Variants in SERP2 observed in about 807,000 individuals in gnomAD.
The protein encoded by SERP2 is stress associated endoplasmic reticulum protein family member 2, also known as stress-associated endoplasmic reticulum protein 2.
A neutral mutation model predicts 9.1 loss-of-function variants in SERP2; 6 were observed. The ratio of observed to expected loss-of-function variants is 0.66; its 90% CI spans 0.36 to 1.30. SERP2 has a LOEUF of 1.30. Among genes scored for constraint, SERP2 ranks in the 50% most tolerant of loss-of-function variants. SERP2 has a pLI of 0.03. For synonymous variants in SERP2, 37 were observed against 27.3 expected (o/e 1.35, Z -1.10); for missense variants, 58 against 81.9 (o/e 0.71, Z 1.13).
In SERP2 at chr13:44,397,375, A is replaced by C; in HGVS notation, c.*63A>C. 1 of 1,305,106 alleles carries C rather than the reference A, an allele frequency of 7.7e-7. No homozygotes were observed. Among genetic ancestry groups the C allele is most frequent in the Admixed American group, 1.7e-5 (1 of 59,450 alleles). 80.8% of individuals were successfully genotyped at this position (1,305,106 alleles called of 1,614,324 possible). ...AGGCGGGAGGACAACGGAAGCGGTC[A>C]GCCAGTTTCTGCGGGAAACAAGCAG... On this transcript the variant is annotated 3_prime_UTR_variant, in exon 3 of 3. Coordinates refer to ENST00000379179, the MANE Select transcript of SERP2 (RefSeq NM_001010897.3).
intron 2 of SERP2, among the ~76,000 whole-genome samples, chr13:44,386,088 G>A (rs1872297791): frequency 6.6e-6 from 1 of 152,190 alleles, no homozygotes. Flanking sequence ...CACTTTGGAT[G>A]CATGAGGCTG....
chr13:44,383,124 A>T (rs1159706820), intron 2 of SERP2, among the ~76,000 whole-genome samples: 1 of 152,184 alleles, frequency 6.6e-6, no homozygotes, highest in South Asian at 2.1e-4. Flanking sequence ...TAAGGTGCTC[A>T]GAATGGCCAA....
intron 2 of SERP2, among the ~76,000 whole-genome samples, chr13:44,384,767 T>C (rs1236111638): frequency 6.6e-6 from 1 of 152,234 alleles, no homozygotes; most frequent in African/African-American, 2.4e-5. Flanking sequence ...TTCATGTGGT[T>C]GGTTACTCTT....
intron 2 of SERP2, among the ~76,000 whole-genome samples, chr13:44,385,006 T>G (rs530558143): frequency 1.3e-5 from 2 of 152,362 alleles, no homozygotes; most frequent in East Asian, 3.9e-4. Context: ...CAGTAATGAA[T>G]GCACATTTTA....
At chr13:44,395,645 C>G in intron 2 of SERP2, 1 of 204,478 alleles carries the variant, frequency 4.9e-6, no homozygotes, top group African/African-American at 2.4e-5. Context: ...AGAACCCAAA[C>G]TTAGCTAAGA....
At chr13:44,387,010 C>T (rs1872354847) in intron 2 of SERP2, among the ~76,000 whole-genome samples, 1 of 152,202 alleles carries the variant, frequency 6.6e-6, no homozygotes, top group Non-Finnish European at 1.5e-5. Flanking sequence ...CTCATCCTGG[C>T]TCTGCCAGTC....
intron 2 of SERP2, 63 bp from the exon 3 acceptor site, chr13:44,397,209 G>C: frequency 6.9e-7 from 1 of 1,439,706 alleles, no homozygotes; most frequent in Non-Finnish European, 9.8e-7. Flanking sequence ...CGGGCTCACT[G>C]TGGGCTGGGT....
chr13:44,397,241 T>C, intron 2 of SERP2, 31 bp from the exon 3 acceptor site: 5 of 1,607,592 alleles, frequency 3.1e-6, no homozygotes, highest in Non-Finnish European at 4.3e-6. Flanking sequence ...TGCAGTCTGG[T>C]GTCTGAGCTG....
intron 2 of SERP2, among the ~76,000 whole-genome samples, chr13:44,380,599 C>A (rs941754881): frequency 6.6e-6 from 1 of 152,178 alleles, no homozygotes; most frequent in Non-Finnish European, 1.5e-5. Context: ...AGAGACCACT[C>A]TTCCAAAGAA....
chr13:44,382,212 C>T (rs1179599350), intron 2 of SERP2, among the ~76,000 whole-genome samples: 2 of 151,322 alleles, frequency 1.3e-5, no homozygotes, highest in African/African-American at 2.4e-5. Flanking sequence ...CCGAGGCGGG[C>T]GGATCATGAG....
chr13:44,380,793 A>G (rs548814000), intron 2 of SERP2, among the ~76,000 whole-genome samples: 1 of 152,270 alleles, frequency 6.6e-6, no homozygotes, highest in Non-Finnish European at 1.5e-5. Flanking sequence ...TGTTTACCCA[A>G]TCCCTATTTG....
chr13:44,384,410 A>G (rs1872200060), intron 2 of SERP2, among the ~76,000 whole-genome samples: 1 of 152,060 alleles, frequency 6.6e-6, no homozygotes, highest in African/African-American at 2.4e-5. Context: ...GCTTTGCTTT[A>G]GGTAATTAGC....
intron 2 of SERP2, among the ~76,000 whole-genome samples, chr13:44,381,504 T>C (rs1049426436): frequency 8.5e-5 from 13 of 152,336 alleles, no homozygotes; most frequent in Admixed American, 8.5e-4. Context: ...ATCGTGCCAC[T>C]GTACTCCTTC....
chr13:44,387,220 A>G (rs1051816075), intron 2 of SERP2, among the ~76,000 whole-genome samples: 1 of 152,082 alleles, frequency 6.6e-6, no homozygotes, highest in African/African-American at 2.4e-5. Context: ...CAGCCCATTC[A>G]TGGACCTAGT....
rs766645178 is a variant in SERP2, at chr13:44,374,087, G to C, written c.62G>C (p.Arg21Thr). 2 of 1,581,500 alleles carry C rather than the reference G, an allele frequency of 1.3e-6. No homozygotes were observed. The highest frequency in any genetic ancestry group is 1.7e-6 in the Non-Finnish European group (2 of 1,165,242). The change falls in exon 1 of 3, where the codon AGG becomes ACG. Residue 21 changes from arginine (R) to threonine (T), a missense_variant. Transcript: ENST00000379179. ...NEKHSKNITQ[R>T]GNVAKTLRPQ... ...AAGCACAGCAAAAACATCACCCAGAGGGGGAACGTAGCCAAAACCCTGGTA... is the reference window on the plus strand; with the variant it reads ...AAGCACAGCAAAAACATCACCCAGACGGGGAACGTAGCCAAAACCCTGGTA...
At chr13:44,389,001 C>G (rs1343325347) in intron 2 of SERP2, among the ~76,000 whole-genome samples, 1 of 152,208 alleles carries the variant, frequency 6.6e-6, no homozygotes, top group Non-Finnish European at 1.5e-5. Context: ...CTCTCTCCTC[C>G]CACTCCCTGT....
chr13:44,395,628 C>A (rs555601954), intron 2 of SERP2, among the ~76,000 whole-genome samples: 41 of 150,736 alleles, frequency 2.7e-4, no homozygotes, highest in Admixed American at 1.7e-3. Context: ...AAAAAAAGAC[C>A]CACCCAAGAA....
At chr13:44,377,860 T>C (rs575210163) in intron 1 of SERP2, among the ~76,000 whole-genome samples, 28 of 152,382 alleles carry the variant, frequency 1.8e-4, no homozygotes, top group African/African-American at 6.7e-4. Flanking sequence ...TTATCTCCTA[T>C]GTTTAAGTTC....
intron 1 of SERP2, among the ~76,000 whole-genome samples, chr13:44,374,516 A>G (rs1871527457): frequency 6.6e-6 from 1 of 152,180 alleles, no homozygotes; most frequent in East Asian, 1.9e-4. Context: ...AGTATGTTCT[A>G]GAACGTTGCA....
Sources: allele counts gnomAD v4.1 joint callset (sites outside exome capture counted in the v4.1 genomes callset), GRCh38; gene constraint gnomAD v4.1.1; transcripts MANE v1.5; gene names NCBI Gene and HGNC (gene_info 2026-07-23, HGNC 2026-07-21).